Variants in SART1 observed in about 807,000 individuals in gnomAD.
The protein encoded by SART1 is spliceosome associated factor 1, recruiter of U4/U6.U5 tri-snRNP.
In SART1, 28 loss-of-function variants were observed where a neutral mutation model predicts 105.0. That is an observed-to-expected ratio of 0.27 (90% CI 0.20 to 0.37). SART1 has a LOEUF of 0.37. Among genes scored for constraint, SART1 ranks in the 10% least tolerant of loss-of-function variants. SART1 has a pLI of 1.00. For missense variants in SART1, 894 were observed against 1,106.5 expected (o/e 0.81, Z 2.72); for synonymous variants, 472 against 462.9 (o/e 1.02, Z -0.25).
chr11:65,977,569 T>TA lies in SART1; in HGVS notation c.1952_1953insA (p.Glu652GlyfsTer27), dbSNP rs745803411. ...ACAACCCCTCCATCCCTAGGGCTGC[T>TA]GGAGACCACAGTGCAGAAGGTGGCC... On this transcript the variant is annotated frameshift_variant, in exon 16 of 20. Transcript: ENST00000312397. LOFTEE classifies it high-confidence loss of function. The TA allele has an allele frequency of 6.2e-7, 1 of 1,613,940 alleles. No homozygotes were observed. The highest frequency in any genetic ancestry group is 1.1e-5 in the South Asian group (1 of 91,088).
rs1345800845 is a variant in SART1 at position 65,963,725 on chromosome 11, C to T, written c.314-349C>T. On this transcript the variant is annotated intron_variant, in intron 1 of 19. Transcript: ENST00000312397. Reference sequence around the variant, plus strand: ...TTGAACTTCTGACCTCGTGATCCATCTGCCTCGGCCTCCCAAAGTGCTGGG... The same window carrying T: ...TTGAACTTCTGACCTCGTGATCCATTTGCCTCGGCCTCCCAAAGTGCTGGG... Among the ~76,000 whole-genome samples, 13 of 152,198 alleles carry T rather than the reference C, an allele frequency of 8.5e-5. 1 individual carries two copies. Among genetic ancestry groups the T allele is most frequent in the Non-Finnish European group, 1.8e-4 (12 of 68,024 alleles).
intron 12 of SART1, among the ~76,000 whole-genome samples, chr11:65,970,828 G>GA: frequency 2.5e-5 from 1 of 40,634 alleles, no homozygotes. Flanking sequence ...AGCTGAGGAG[G>GA]GGGATGGTGG....
At chr11:65,965,849 G>T (rs372358365) in intron 6 of SART1, 38 bp from the exon 7 acceptor site, 5 of 1,613,426 alleles carry the variant, frequency 3.1e-6, no homozygotes, top group Non-Finnish European at 4.2e-6. Context: ...GGTTGGGTGC[G>T]TGGAGGGAGG....
chr11:65,969,430 T>G (rs1047757264), intron 12 of SART1, among the ~76,000 whole-genome samples: 1 of 152,142 alleles, frequency 6.6e-6, no homozygotes, highest in Non-Finnish European at 1.5e-5. Context: ...GCCTGCACAT[T>G]AGACTCACCT....
Position 65,967,764 on chromosome 11 carries a change from G to C in SART1, c.1515G>C (p.Lys505Asn). The change falls in exon 12 of 20, where the codon AAG (lysine) becomes AAC (asparagine). Residue 505 changes from lysine (K) to asparagine (N), a missense_variant. Around this residue, in one of 2 missense-constraint regions of SART1, gnomAD observed 712 missense variants for 778.2 expected, o/e 0.91. Coordinates refer to ENST00000312397, the MANE Select transcript of SART1 (RefSeq NM_005146.5). ...TGGAGCTGCAGAAGCAGCTGGAGAA[G>C]GGACGCCGGCTGCGACAGTTACAGC... is the stretch of plus-strand genomic sequence containing the variant. ...AELELQKQLE[K>N]GRRLRQLQQL... 1 of 1,551,182 alleles carries C rather than the reference G, an allele frequency of 6.4e-7. No homozygotes were observed. The highest frequency in any genetic ancestry group is 8.7e-7 in the Non-Finnish European group (1 of 1,147,738).
In SART1 at chr11:65,972,911, C is replaced by T. The variant is rs528329246; in HGVS notation, c.1573-3484C>T. Among the ~76,000 whole-genome samples, 125 of 152,212 alleles carry T rather than the reference C, an allele frequency of 8.2e-4. No individual in the cohort carries two copies. In the Middle Eastern group the frequency reaches 0.014, roughly 17 times the overall value. On this transcript the variant is annotated intron_variant, in intron 12 of 19. Transcript: ENST00000312397. ...ACGTGGCCGGGCGCGATGGCTCACG[C>T]CTGTAATCCCAGCACTTTGGGAGGC...
rs146560628 is a variant in SART1, at chr11:65,963,544, C to T, written c.314-530C>T. Among the ~76,000 whole-genome samples the T allele has an allele frequency of 5.8e-3, 885 of 152,046 alleles. 10 individuals carry two copies. The highest frequency in any genetic ancestry group is 0.018 in the African/African-American group (751 of 41,492). On this transcript the variant is annotated intron_variant, in intron 1 of 19. Coordinates refer to ENST00000312397, the MANE Select transcript of SART1 (RefSeq NM_005146.5). The stretch of plus-strand genomic sequence containing the variant: ...TTGCCCAGGCTAGAGTGCAGTGGCA[C>T]GATCTCAGCTCACTGCAAGCTCTGC...
intron 12 of SART1, among the ~76,000 whole-genome samples, chr11:65,969,133 G>A (rs565327921): frequency 1.3e-4 from 20 of 152,276 alleles, no homozygotes; most frequent in South Asian, 6.2e-4. Flanking sequence ...AACCCGGGAC[G>A]GAGGCCAGGC....
At position 65,978,936 on chromosome 11, in the gene SART1, G is replaced by A; in HGVS notation, c.2384+22G>A. ...ACGCGTGAGTGGCTCGAGGCTGGTG[G>A]GGTAGGGTGTGGTGGGGAGGGGTGG... is the stretch of plus-strand genomic sequence containing the variant. On this transcript the variant is annotated intron_variant, in intron 19 of 19. Coordinates refer to ENST00000312397, the MANE Select transcript of SART1 (RefSeq NM_005146.5). This position sits in a 1 kb window ranked among gnomAD's most constrained non-coding sequence, Gnocchi z 6.8. 1 of 1,613,818 alleles carries A rather than the reference G, an allele frequency of 6.2e-7. No individual in the cohort carries two copies. Among genetic ancestry groups the A allele is most frequent in the Non-Finnish European group, 8.5e-7 (1 of 1,179,970 alleles).
Position 65,965,136 on chromosome 11 carries a change from C to T in SART1, c.472C>T (p.Pro158Ser), listed in dbSNP as rs1349167032. ...GCCCGTGACAGCTGATGTCATCAAC[C>T]CTATGGCCTTGCGACAGCGAGAGGA... is the stretch of plus-strand genomic sequence containing the variant. ...EEPVTADVIN[P>S]MALRQREELR... Residue 158 changes from proline to serine, a missense_variant, in exon 4 of 20, where the codon CCT becomes TCT. Pro to Ser is a moderately conservative substitution (Grantham distance 74, BLOSUM62 -1). Transcript: ENST00000312397. The T allele has an allele frequency of 6.2e-7, 1 of 1,600,902 alleles. No homozygotes were observed. The highest frequency in any genetic ancestry group is 8.5e-7 in the Non-Finnish European group (1 of 1,176,932).
chr11:65,979,185 A>G lies in SART1; in HGVS notation c.*155A>G. On this transcript the variant is annotated 3_prime_UTR_variant, in exon 20 of 20. Coordinates refer to ENST00000312397, the MANE Select transcript of SART1 (RefSeq NM_005146.5). The stretch of plus-strand genomic sequence containing the variant: ...TCCTGCTAGGTGAGACCTGGCCATC[A>G]AATGACACAAACAACTAAACGATGG... 1 of 884,862 alleles carries G rather than the reference A, an allele frequency of 1.1e-6. No homozygotes were observed. The highest frequency in any genetic ancestry group is 1.8e-6 in the Non-Finnish European group (1 of 562,776). 54.8% of individuals were successfully genotyped at this position (884,862 alleles called of 1,614,324 possible). A position where few individuals can be genotyped will look rare whatever the true frequency, so the allele number is the denominator to read the frequency against.
intron 1 of SART1, among the ~76,000 whole-genome samples, chr11:65,963,441 G>A (rs571972773): frequency 1.3e-5 from 2 of 152,182 alleles, no homozygotes; most frequent in South Asian, 2.1e-4. Flanking sequence ...GAGAAGGTAG[G>A]ATGCAGGATG....
intron 12 of SART1, among the ~76,000 whole-genome samples, chr11:65,974,629 A>C (rs558667215): frequency 1.3e-5 from 2 of 152,130 alleles, no homozygotes; most frequent in South Asian, 4.1e-4. Flanking sequence ...CAGTGAGCCT[A>C]TATCGCCCCA....
chr11:65,967,446 C>A, intron 10 of SART1, 25 bp from the exon 11 acceptor site: 1 of 1,613,702 alleles, frequency 6.2e-7, no homozygotes, highest in East Asian at 2.2e-5. Flanking sequence ...GACCGGTGCT[C>A]ACCAGAGAGG....
Position 65,967,839 on chromosome 11 carries a change from C to A in SART1, c.1572+18C>A. 6.7e-7 allele frequency: 1 copy of A among 1,495,054 alleles called. No individual in the cohort carries two copies. The highest frequency in any genetic ancestry group is 1.3e-5 in the South Asian group (1 of 77,210). 92.6% of individuals were successfully genotyped at this position (1,495,054 alleles called of 1,614,324 possible). On this transcript the variant is annotated intron_variant, in intron 12 of 19. Coordinates refer to ENST00000312397, the MANE Select transcript of SART1 (RefSeq NM_005146.5). ...GCGAGAAGGTGAGGCTGGGCATGGG[C>A]AGGGTGACTGCGTCAGCAGTCACCT...
Position 65,976,860 on chromosome 11 carries a change from C to T in SART1, c.1857+94C>T. 8.3e-7 allele frequency: 1 copy of T among 1,206,526 alleles called. No homozygotes were observed. The highest frequency in any genetic ancestry group is 2.5e-5 in the East Asian group (1 of 39,602). 74.7% of individuals were successfully genotyped at this position (1,206,526 alleles called of 1,614,324 possible). A position where few individuals can be genotyped will look rare whatever the true frequency, so the allele number is the denominator to read the frequency against. On this transcript the variant is annotated intron_variant, in intron 14 of 19. Coordinates refer to ENST00000312397, the MANE Select transcript of SART1 (RefSeq NM_005146.5). This position sits in a 1 kb window ranked among gnomAD's most constrained non-coding sequence, Gnocchi z 5.1. ...TGTCCAGAGCCTCAGCCTCCTCATC[C>T]AGAGTGGGCTCTGCAGACCTCCCAG... is the stretch of plus-strand genomic sequence containing the variant.
Position 65,977,033 on chromosome 11 carries a change from C to G in SART1, c.1877C>G (p.Thr626Ser). The G allele has an allele frequency of 6.2e-7, 1 of 1,613,974 alleles. No homozygotes were observed. Among genetic ancestry groups the G allele is most frequent in the Non-Finnish European group, 8.5e-7 (1 of 1,179,874 alleles). ...QQQDFSASST[T>S]ILDEEPIVNR... ...CCGTAGTTCTCTGCTTCCTCCACCA[C>G]CATCCTGGACGAGGAACCGATCGTG... The change falls in exon 15 of 20, where the codon ACC (threonine) becomes AGC (serine). Residue 626 changes from threonine (T) to serine (S), a missense_variant. Thr to Ser is a moderately conservative substitution (Grantham distance 58). Coordinates refer to ENST00000312397, the MANE Select transcript of SART1 (RefSeq NM_005146.5).
At chr11:65,970,200 C>T (rs1245228762) in intron 12 of SART1, among the ~76,000 whole-genome samples, 2 of 152,184 alleles carry the variant, frequency 1.3e-5, no homozygotes, top group African/African-American at 2.4e-5. Context: ...TATCATGACA[C>T]TGCATCCTTA....
Position 65,965,921 on chromosome 11 carries a change from C to T in SART1, c.773C>T (p.Thr258Ile). ...AGTGCCCGGGACCTGCAGGGCCTCA[C>T]CGTGGAGCATGCCATTGATTCCTTC... is the stretch of plus-strand genomic sequence containing the variant. ...LYSARDLQGLTVEHAIDSFRE... is the reference protein window; with the variant it reads ...LYSARDLQGLIVEHAIDSFRE... Residue 258 changes from threonine (T) to isoleucine (I), a missense_variant, in exon 7 of 20, where the codon ACC becomes ATC. Around this residue, in one of 2 missense-constraint regions of SART1, gnomAD observed 712 missense variants for 778.2 expected, o/e 0.91. Coordinates refer to ENST00000312397, the MANE Select transcript of SART1 (RefSeq NM_005146.5). The T allele has an allele frequency of 6.2e-7, 1 of 1,614,076 alleles. No individual in the cohort carries two copies.
Sources: allele counts gnomAD v4.1 joint callset (sites outside exome capture counted in the v4.1 genomes callset), GRCh38; gene constraint gnomAD v4.1.1; regional missense constraint gnomAD v4.1.1; non-coding constraint Gnocchi (gnomAD v3.1); transcripts MANE v1.5; gene names NCBI Gene and HGNC (gene_info 2026-07-23, HGNC 2026-07-21).